The following ABHD2 variants were observed in gnomAD, a reference collection of about 807,000 sequenced individuals.
The protein encoded by ABHD2 is abhydrolase domain containing 2, acylglycerol lipase.
Under a neutral mutation model 48.1 loss-of-function variants are expected in ABHD2, and 20 were observed. The observed-to-expected ratio is 0.42, with a 90% CI of 0.29 to 0.60. ABHD2 has a LOEUF of 0.60. Among genes scored for constraint, ABHD2 ranks in the 20% least tolerant of loss-of-function variants. The probability of loss-of-function intolerance (pLI) is 0.24; values close to 1 mark genes in which losing one functional copy is unlikely to be tolerated. For missense variants in ABHD2, 405 were observed against 550.9 expected, an observed-to-expected ratio of 0.74 and a Z score of 2.65; for synonymous variants, 209 against 214.2, an observed-to-expected ratio of 0.98 and a Z score of 0.21.
In ABHD2 at chr15:89,188,576, C is replaced by T. The variant is rs1408119505; in HGVS notation, c.926+273C>T. On this transcript the variant is annotated intron_variant, in intron 8 of 10. Transcript: ENST00000352732. This position sits in a 1 kb window ranked among gnomAD's most constrained non-coding sequence, Gnocchi z 4.1. ...GCTTGATTCAAGGAGCTGGGGCGTG[C>T]AGGCCCTAGCATGGGCAGTCTTCAC... 6.6e-6 allele frequency among the ~76,000 whole-genome samples: 1 copy of T among 152,228 alleles called. No individual in the cohort carries two copies. The highest frequency in any genetic ancestry group is 1.5e-5 in the Non-Finnish European group (1 of 68,046).
chr15:89,128,471 C>T (rs2050170139), intron 3 of ABHD2, among the ~76,000 whole-genome samples: 1 of 152,232 alleles, frequency 6.6e-6, no homozygotes, highest in South Asian at 2.1e-4. Flanking sequence ...CACATATCCA[C>T]GTTGTCAATG....
chr15:89,122,824 G>C (rs1218058106), intron 3 of ABHD2, among the ~76,000 whole-genome samples: 2 of 152,202 alleles, frequency 1.3e-5, no homozygotes, highest in Admixed American at 1.3e-4. Flanking sequence ...TGCCAGTATG[G>C]GCTGTCTTAT....
intron 5 of ABHD2, among the ~76,000 whole-genome samples, chr15:89,158,248 A>C (rs28392758): frequency 0.11 from 17,218 of 152,258 alleles, 1,122 homozygotes; most frequent in South Asian, 0.19. Context: ...AGAGAGGTTA[A>C]GTGATTTGGG....
intron 1 of ABHD2, among the ~76,000 whole-genome samples, chr15:89,107,383 A>C (rs1567069613): frequency 6.6e-6 from 1 of 152,170 alleles, no homozygotes; most frequent in Non-Finnish European, 1.5e-5. Flanking sequence ...AGGCCCAAGC[A>C]GTTAATCAGC....
intron 5 of ABHD2, among the ~76,000 whole-genome samples, chr15:89,159,326 G>A (rs1016429661): frequency 9.9e-5 from 15 of 151,482 alleles, no homozygotes; most frequent in African/African-American, 1.7e-4. Context: ...GCAGTGAGCC[G>A]AGATCACACC....
In ABHD2 at chr15:89,186,568, A is replaced by G. The variant is rs2238314; in HGVS notation, c.815+1052A>G. ...AGCCCATCCTTTAAAGTCCATCTCA[A>G]TTCTCCTGCTTCTGTGAAGCCAACT... On this transcript the variant is annotated intron_variant, in intron 7 of 10. Coordinates refer to ENST00000352732, the MANE Select transcript of ABHD2 (RefSeq NM_152924.5). This position sits in a 1 kb window ranked among gnomAD's most constrained non-coding sequence, Gnocchi z 4.3. Among the ~76,000 whole-genome samples the G allele has an allele frequency of 0.11, 15,956 of 151,802 alleles. 915 individuals are homozygous for G. Among genetic ancestry groups the G allele is most frequent in the Middle Eastern group, 0.14 (42 of 292 alleles).
chr15:89,097,618 A>G lies in ABHD2; in HGVS notation c.-107+9055A>G, dbSNP rs2049633168. Among the ~76,000 whole-genome samples the G allele has an allele frequency of 6.6e-6, 1 of 152,114 alleles. No homozygotes were observed. The highest frequency in any genetic ancestry group is 2.4e-5 in the African/African-American group (1 of 41,404). ...GGAGAAACTGGGTAGTCTGTCCAGT[A>G]GAGGTATTTGTTTACTTTTGACAGA... On this transcript the variant is annotated intron_variant, in intron 1 of 10. Coordinates refer to ENST00000352732, the MANE Select transcript of ABHD2 (RefSeq NM_152924.5). This position sits in a 1 kb window ranked among gnomAD's most constrained non-coding sequence, Gnocchi z 4.2.
In ABHD2 at chr15:89,189,867, GTCTT is replaced by G. The variant is rs2051274674; in HGVS notation, c.927-1210_927-1207del. Among the ~76,000 whole-genome samples the G allele has an allele frequency of 6.6e-6, 1 of 152,020 alleles. No individual in the cohort carries two copies. Among genetic ancestry groups the G allele is most frequent in the African/African-American group, 2.4e-5 (1 of 41,376 alleles). ...AGAATGTTTCTCAACACTCTCTAAA[GTCTT>G]TCCTCTTTAATAGCGTTGGAAAATA... On this transcript the variant is annotated intron_variant, in intron 8 of 10. Coordinates refer to ENST00000352732, the MANE Select transcript of ABHD2 (RefSeq NM_152924.5). This position sits in a 1 kb window ranked among gnomAD's most constrained non-coding sequence, Gnocchi z 4.9.
the ABHD2 span, among the ~76,000 whole-genome samples, chr15:89,056,568 GGGA>G: frequency 6.6e-6 from 1 of 152,062 alleles, no homozygotes; most frequent in Non-Finnish European, 1.5e-5. Flanking sequence ...ACGTGAACCC[GGGA>G]GGTGGAATTT....
chr15:89,130,317 G>A (rs773514455), intron 3 of ABHD2, among the ~76,000 whole-genome samples: 4 of 152,192 alleles, frequency 2.6e-5, no homozygotes, highest in Admixed American at 6.5e-5. Context: ...CCCAGCTGAT[G>A]GAGGTGACAT....
Position 89,167,674 on chromosome 15 carries a change from T to G in ABHD2, c.539-8138T>G, listed in dbSNP as rs1035168084. On this transcript the variant is annotated intron_variant, in intron 5 of 10. Transcript: ENST00000352732. The surrounding 1 kb of genome is among the most constrained non-coding windows in gnomAD (Gnocchi z 5.5). ...GAGATAAGGGCAAGGCCAACTAATT[T>G]GATAGCACAAAGGGGCCTTAACTTT... 2.0e-5 allele frequency among the ~76,000 whole-genome samples: 3 copies of G among 152,192 alleles called. No individual in the cohort carries two copies. Among genetic ancestry groups the G allele is most frequent in the Admixed American group, 6.5e-5 (1 of 15,280 alleles).
At chr15:89,062,009 T>C in the ABHD2 span, among the ~76,000 whole-genome samples, 4 of 152,178 alleles carry the variant, frequency 2.6e-5, no homozygotes, top group Non-Finnish European at 5.9e-5. Flanking sequence ...TGACTGAGCT[T>C]GCAGTGAGGG....
intron 3 of ABHD2, among the ~76,000 whole-genome samples, chr15:89,143,322 T>C (rs1328881274): frequency 6.6e-6 from 1 of 152,238 alleles, no homozygotes; most frequent in Non-Finnish European, 1.5e-5. Flanking sequence ...AACGAACCAC[T>C]GGGAGATAAA....
chr15:89,086,012 C>T (rs1015688997), upstream of ABHD2, among the ~76,000 whole-genome samples: 8 of 152,132 alleles, frequency 5.3e-5, no homozygotes, highest in African/African-American at 1.9e-4. Flanking sequence ...ACACACCCCT[C>T]CAAAACTAGT....
intron 6 of ABHD2, chr15:89,183,384 A>AAAAAAAAAATAT (rs61602174): frequency 3.0e-4 from 14 of 46,264 alleles, no homozygotes; most frequent in East Asian, 1.6e-3. Flanking sequence ...AAAAAAAAAA[A>AAAAAAAAAATAT]ATATATATAT....
chr15:89,181,250 A>AAAAAG, intron 6 of ABHD2, among the ~76,000 whole-genome samples: 1 of 151,172 alleles, frequency 6.6e-6, no homozygotes, highest in African/African-American at 2.4e-5. Context: ...AAAAAAAAAA[A>AAAAAG]CAAGATGGTA....
intron 3 of ABHD2, among the ~76,000 whole-genome samples, chr15:89,126,509 C>G (rs181123523): frequency 6.6e-5 from 10 of 152,206 alleles, no homozygotes; most frequent in Non-Finnish European, 1.2e-4. Context: ...TTTTACTGAC[C>G]CTGTGAATTC....
At chr15:89,132,046 C>T (rs954088982) in intron 3 of ABHD2, among the ~76,000 whole-genome samples, 1 of 151,442 alleles carries the variant, frequency 6.6e-6, no homozygotes, top group Admixed American at 6.6e-5. Flanking sequence ...AGTTGAAAAA[C>T]ATGAAAAAAA....
chr15:89,115,656 C>T (rs2049948215), intron 2 of ABHD2, among the ~76,000 whole-genome samples: 1 of 152,176 alleles, frequency 6.6e-6, no homozygotes, highest in Admixed American at 6.5e-5. Context: ...ATTCCTGAAA[C>T]CCTTAGTAGC....
Sources: allele counts gnomAD v4.1 joint callset (sites outside exome capture counted in the v4.1 genomes callset), GRCh38; gene constraint gnomAD v4.1.1; non-coding constraint Gnocchi (gnomAD v3.1); transcripts MANE v1.5; gene names NCBI Gene and HGNC (gene_info 2026-07-23, HGNC 2026-07-21).